Variants in AEBP2 observed in about 807,000 individuals in gnomAD.
AEBP2 encodes zinc finger protein AEBP2.
In AEBP2, 10 loss-of-function variants were observed where a neutral mutation model predicts 50.8. The ratio of observed to expected loss-of-function variants is 0.20; its 90% CI spans 0.12 to 0.33. The LOEUF is 0.33. AEBP2 is among the 10% of genes least tolerant of loss of function. AEBP2 has a pLI of 1.00. For missense variants in AEBP2, 570 were observed against 688.0 expected (o/e 0.83, Z 1.92); for synonymous variants, 296 against 261.3 (o/e 1.13, Z -1.28).
intron 1 of AEBP2, among the ~76,000 whole-genome samples, chr12:19,462,228 T>G (rs935122268): frequency 6.6e-6 from 1 of 152,024 alleles, no homozygotes; most frequent in Non-Finnish European, 1.5e-5. Flanking sequence ...GTGGGTGTGG[T>G]TTGTTTTCTG....
At chr12:19,408,531 A>G (rs2095737552) in intron 1 of AEBP2, among the ~76,000 whole-genome samples, 1 of 151,196 alleles carries the variant, frequency 6.6e-6, no homozygotes, top group African/African-American at 2.4e-5. Flanking sequence ...CCTGGGCCAC[A>G]GAGCAAGAAA....
At chr12:19,507,436 C>A (rs1241470173) in intron 5 of AEBP2, among the ~76,000 whole-genome samples, 1 of 151,908 alleles carries the variant, frequency 6.6e-6, no homozygotes, top group Non-Finnish European at 1.5e-5. Context: ...TATTAGAAGT[C>A]TAGAAAGAAA....
rs556380906 is a variant in AEBP2 at position 19,504,492 on chromosome 12, G to A, written c.1299+4271G>A. ...CCTGACCTTGTGATCCACCCACCTCGGCCTCCCAAAGCCCTGGGATTACAG... is the reference window on the plus strand; with the variant it reads ...CCTGACCTTGTGATCCACCCACCTCAGCCTCCCAAAGCCCTGGGATTACAG... On this transcript the variant is annotated intron_variant, in intron 5 of 7. Transcript: ENST00000266508. 1.3e-4 allele frequency among the ~76,000 whole-genome samples: 20 copies of A among 151,852 alleles called. No individual in the cohort carries two copies. The East Asian group carries it at 3.5e-3, about 27-fold the overall frequency.
intron 1 of AEBP2, among the ~76,000 whole-genome samples, chr12:19,417,580 A>G (rs1325094122): frequency 6.6e-6 from 1 of 150,714 alleles, no homozygotes; most frequent in Non-Finnish European, 1.5e-5. Flanking sequence ...GCCAATTTTT[A>G]TATTTTTAGT....
intron 3 of AEBP2, among the ~76,000 whole-genome samples, chr12:19,475,711 A>C (rs1169187681): frequency 4.6e-5 from 7 of 152,176 alleles, no homozygotes; most frequent in Non-Finnish European, 5.9e-5. Context: ...TCTCACCAGC[A>C]GTGTAAAAGT....
chr12:19,432,840 T>G (rs1299387546), intron 1 of AEBP2, among the ~76,000 whole-genome samples: 1 of 152,106 alleles, frequency 6.6e-6, no homozygotes, highest in Non-Finnish European at 1.5e-5. Flanking sequence ...CCCAGAAGGC[T>G]GGAGATGTCC....
chr12:19,415,671 C>G (rs1321197626), intron 1 of AEBP2, among the ~76,000 whole-genome samples: 2 of 149,220 alleles, frequency 1.3e-5, no homozygotes, highest in Non-Finnish European at 3.0e-5. Flanking sequence ...CAATACAATA[C>G]AATACAATAC....
At chr12:19,496,793 C>G (rs1948988911) in intron 4 of AEBP2, among the ~76,000 whole-genome samples, 1 of 151,274 alleles carries the variant, frequency 6.6e-6, no homozygotes, top group Non-Finnish European at 1.5e-5. Flanking sequence ...TCCCAGGTAG[C>G]TTGGGCTACA....
At position 19,474,029 on chromosome 12, in the gene AEBP2, A is replaced by G. The variant is rs370619612; in HGVS notation, c.987+674A>G. Among the ~76,000 whole-genome samples the G allele has an allele frequency of 1.1e-4, 16 of 152,254 alleles. No homozygotes were observed. The East Asian group carries it at 2.9e-3, about 28-fold the overall frequency. On this transcript the variant is annotated intron_variant, in intron 3 of 7. Transcript: ENST00000266508. ...TTCGGCATTTTCATTAGCAAACAAC[A>G]TTGACTATTATATAAAATAAATAAA...
chr12:19,471,768 C>T (rs1948576963), intron 2 of AEBP2, among the ~76,000 whole-genome samples: 1 of 152,056 alleles, frequency 6.6e-6, no homozygotes, highest in African/African-American at 2.4e-5. Flanking sequence ...TGAGCTCAAG[C>T]CGTCCCCCTA....
chr12:19,492,687 A>G (rs886465355), intron 3 of AEBP2, among the ~76,000 whole-genome samples: 4 of 152,212 alleles, frequency 2.6e-5, no homozygotes, highest in South Asian at 2.1e-4. Flanking sequence ...GTAATTTACA[A>G]AGACAAGGCA....
rs1472986446 is a variant in AEBP2, at chr12:19,439,986, A to T, written c.287A>T (p.Asp96Val). 6.6e-7 allele frequency: 1 copy of T among 1,521,708 alleles called. No homozygotes were observed. The highest frequency in any genetic ancestry group is 2.0e-5 in the Admixed American group (1 of 50,004). 94.3% of individuals were successfully genotyped at this position (1,521,708 alleles called of 1,614,324 possible). A position where few individuals can be genotyped will look rare whatever the true frequency, so the allele number is the denominator to read the frequency against. Residue 96 changes from aspartate (D) to valine (V), a missense_variant, in exon 1 of 8, where the codon GAC becomes GTC. This residue lies in a region of AEBP2 where 386 missense variants were observed against 336.8 expected (regional missense o/e 1.15). Transcript: ENST00000266508. ...GAGAGCGCCAGCCAGGCCGGGGAGG[A>T]CGAAGACGAGGAGGAGGACGACGAG... Reference protein sequence around the residue: ...SPESASQAGEDEDEEEDDEEE... With the variant: ...SPESASQAGEVEDEEEDDEEE...
chr12:19,457,487 G>C, intron 1 of AEBP2: 2 of 1,503,680 alleles, frequency 1.3e-6, no homozygotes, highest in Non-Finnish European at 1.8e-6. Context: ...AGGCCTACTT[G>C]AAGGAGCCCT....
intron 1 of AEBP2, among the ~76,000 whole-genome samples, chr12:19,433,165 C>G (rs577707406): frequency 2.0e-5 from 3 of 152,288 alleles, no homozygotes; most frequent in East Asian, 3.9e-4. Flanking sequence ...GCAGGCGGAT[C>G]ATTTGAGTTC....
chr12:19,418,075 A>G (rs781781623), intron 1 of AEBP2, among the ~76,000 whole-genome samples: 2 of 152,124 alleles, frequency 1.3e-5, no homozygotes, highest in Non-Finnish European at 2.9e-5. Context: ...TGGAGAGTCT[A>G]GCTTCTTTTT....
chr12:19,506,512 GT>G (rs1204177283), intron 5 of AEBP2, among the ~76,000 whole-genome samples: 2 of 152,148 alleles, frequency 1.3e-5, no homozygotes, highest in African/African-American at 2.4e-5. Context: ...AGTTTTGAAA[GT>G]TGTACTCACT....
chr12:19,447,713 G>T (rs1194822618), intron 1 of AEBP2, among the ~76,000 whole-genome samples: 1 of 152,182 alleles, frequency 6.6e-6, no homozygotes, highest in East Asian at 1.9e-4. Context: ...CTCATGCAGA[G>T]ATGGTGCAGT....
intron 3 of AEBP2, among the ~76,000 whole-genome samples, chr12:19,493,586 T>G (rs1041578553): frequency 1.3e-5 from 2 of 152,186 alleles, no homozygotes; most frequent in Non-Finnish European, 2.9e-5. Flanking sequence ...TCGTGAAACT[T>G]GTTGCATTTT....
At chr12:19,451,318 A>T (rs908445368) in intron 1 of AEBP2, among the ~76,000 whole-genome samples, 1 of 152,190 alleles carries the variant, frequency 6.6e-6, no homozygotes, top group Non-Finnish European at 1.5e-5. Context: ...CATGTCATGT[A>T]TCTGTCACAT....
Sources: allele counts gnomAD v4.1 joint callset (sites outside exome capture counted in the v4.1 genomes callset), GRCh38; gene constraint gnomAD v4.1.1; regional missense constraint gnomAD v4.1.1; transcripts MANE v1.5; gene names NCBI Gene and HGNC (gene_info 2026-07-23, HGNC 2026-07-21).